GNAO1: variants seen among roughly 807,000 people sequenced by gnomAD.
The protein encoded by GNAO1 is G protein subunit alpha o1, also known as guanine nucleotide-binding protein G(o) subunit alpha.
For missense variants in GNAO1, 166 were observed against 478.7 expected (o/e 0.35, Z 6.10); for synonymous variants, 164 against 180.7 (o/e 0.91, Z 0.74).
intron 3 of GNAO1, among the ~76,000 whole-genome samples, chr16:56,314,336 A>G (rs1253480170): frequency 6.6e-6 from 1 of 152,204 alleles, no homozygotes; most frequent in African/African-American, 2.4e-5. Flanking sequence ...CAGAGACCCC[A>G]GTCTGAAATC....
intron 2 of GNAO1, among the ~76,000 whole-genome samples, chr16:56,248,384 C>T (rs2036769044): frequency 1.3e-5 from 2 of 152,126 alleles, no homozygotes; most frequent in Non-Finnish European, 2.9e-5. Flanking sequence ...CCTACTGTGT[C>T]CAAAGCCATG....
chr16:56,324,521 G>C (rs1281417723), intron 3 of GNAO1, among the ~76,000 whole-genome samples: 2 of 152,238 alleles, frequency 1.3e-5, no homozygotes, highest in Non-Finnish European at 2.9e-5. Flanking sequence ...TCAGCCAGGC[G>C]TGAGGAGCAG....
chr16:56,221,056 G>A (rs574794691), intron 2 of GNAO1, among the ~76,000 whole-genome samples: 1 of 152,082 alleles, frequency 6.6e-6, no homozygotes, highest in Admixed American at 6.5e-5. Flanking sequence ...TTGGATTAGC[G>A]TTTTAATAAA....
intron 3 of GNAO1, among the ~76,000 whole-genome samples, chr16:56,315,483 G>A (rs1836791186): frequency 6.6e-6 from 1 of 152,124 alleles, no homozygotes; most frequent in African/African-American, 2.4e-5. Flanking sequence ...AGCTTTTTTG[G>A]GACAGGATAG....
intron 2 of GNAO1, among the ~76,000 whole-genome samples, chr16:56,253,053 T>C (rs1182881739): frequency 6.6e-6 from 1 of 152,130 alleles, no homozygotes; most frequent in African/African-American, 2.4e-5. Context: ...AACCTCTGAG[T>C]GTCTGACTAG....
intron 2 of GNAO1, among the ~76,000 whole-genome samples, chr16:56,228,446 T>C (rs2036555550): frequency 6.6e-6 from 1 of 151,114 alleles, no homozygotes; most frequent in Non-Finnish European, 1.5e-5. Flanking sequence ...TGTATATATA[T>C]ATACATATAT....
chr16:56,299,130 C>G lies in GNAO1; in HGVS notation c.303+23058C>G, dbSNP rs542821379. 6.8e-4 allele frequency among the ~76,000 whole-genome samples: 103 copies of G among 152,308 alleles called. 1 individual carries two copies. The South Asian group carries it at 0.021, about 30-fold the overall frequency. On this transcript the variant is annotated intron_variant, in intron 3 of 8. Transcript: ENST00000262493. ...GAGTAACTTGCCTACAGTCACACAG[C>G]TGACAGATGGCAGAGCCAGCAACAA...
chr16:56,355,637 CG>C (rs1259034300), intron 8 of GNAO1: 9 of 152,376 alleles, frequency 5.9e-5, no homozygotes, highest in African/African-American at 1.9e-4. Context: ...GCTTCTCTTT[CG>C]GGTGGTGGTG....
At chr16:56,237,605 C>T (rs1352597126) in intron 2 of GNAO1, among the ~76,000 whole-genome samples, 2 of 152,206 alleles carry the variant, frequency 1.3e-5, no homozygotes, top group African/African-American at 4.8e-5. Context: ...AATTCTCCCC[C>T]CATGTGTTTT....
intron 6 of GNAO1, chr16:56,344,538 TCCTC>T: frequency 5.1e-6 from 5 of 987,470 alleles, no homozygotes; most frequent in Non-Finnish European, 6.0e-6. Flanking sequence ...CTCTGGGTCA[TCCTC>T]CCTTGCCTTT....
intron 4 of GNAO1, among the ~76,000 whole-genome samples, chr16:56,332,891 C>A (rs942762696): frequency 9.2e-5 from 14 of 152,376 alleles, no homozygotes; most frequent in Admixed American, 1.3e-4. Flanking sequence ...GTCATGGGCG[C>A]CAGGGCGGGG....
At chr16:56,272,382 G>A (rs1227470139) in intron 2 of GNAO1, among the ~76,000 whole-genome samples, 1 of 152,156 alleles carries the variant, frequency 6.6e-6, no homozygotes, top group African/African-American at 2.4e-5. Flanking sequence ...TTATTACATT[G>A]TAGTAGAAGG....
intron 3 of GNAO1, among the ~76,000 whole-genome samples, chr16:56,322,384 A>G (rs1166672879): frequency 6.6e-6 from 1 of 152,186 alleles, no homozygotes; most frequent in Non-Finnish European, 1.5e-5. Context: ...AATACCCACC[A>G]CACACAACCC....
rs138316928 is a variant in GNAO1 at position 56,314,560 on chromosome 16, C to T, written c.304-14071C>T. Among the ~76,000 whole-genome samples, 28 of 152,244 alleles carry T rather than the reference C, an allele frequency of 1.8e-4. No individual in the cohort carries two copies. The East Asian group carries it at 5.2e-3, about 28-fold the overall frequency. ...TAAGTCGTAATTTTTACTTCTTCAC[C>T]AACGACATTCTTCAGTCCAGCCAGC... On this transcript the variant is annotated intron_variant, in intron 3 of 8. Coordinates refer to ENST00000262493, the MANE Select transcript of GNAO1 (RefSeq NM_020988.3).
rs1367286736 is a variant in GNAO1, at chr16:56,297,569, GTGTA to G, written c.303+21500_303+21503del. ...TGTGTGTGTGTGTGTGTGTGTGTGTGTGTATGCATGTGTTTAAAAGGTGGGAATT... is the reference window on the plus strand; with the variant it reads ...TGTGTGTGTGTGTGTGTGTGTGTGTGTGCATGTGTTTAAAAGGTGGGAATT... On this transcript the variant is annotated intron_variant, in intron 3 of 8. Coordinates refer to ENST00000262493, the MANE Select transcript of GNAO1 (RefSeq NM_020988.3). Among the ~76,000 whole-genome samples the G allele has an allele frequency of 3.7e-5, 5 of 133,798 alleles. No individual in the cohort carries two copies. In the East Asian group the frequency reaches 6.6e-4, roughly 18 times the overall value. 87.8% of individuals were successfully genotyped at this position (133,798 alleles called of 152,430 possible). A position where few individuals can be genotyped will look rare whatever the true frequency, so the allele number is the denominator to read the frequency against.
At chr16:56,315,038 G>T (rs2037494581) in intron 3 of GNAO1, among the ~76,000 whole-genome samples, 1 of 152,198 alleles carries the variant, frequency 6.6e-6, no homozygotes, top group Non-Finnish European at 1.5e-5. Flanking sequence ...CTGATGAATG[G>T]CACAGGAGCC....
intron 2 of GNAO1, among the ~76,000 whole-genome samples, chr16:56,261,613 G>A (rs78456626): frequency 0.044 from 6,709 of 152,256 alleles, 338 homozygotes; most frequent in African/African-American, 0.11. Context: ...CTCATGTTTT[G>A]GGGTTAGGTG....
intron 2 of GNAO1, among the ~76,000 whole-genome samples, chr16:56,264,801 A>G (rs1273553861): frequency 6.7e-6 from 1 of 148,626 alleles, no homozygotes; most frequent in Non-Finnish European, 1.5e-5. Context: ...ATCGTATAGT[A>G]TATAGTATTA....
chr16:56,334,559 A>T (rs191401245), intron 4 of GNAO1, among the ~76,000 whole-genome samples, 170 bp from the exon 5 acceptor site: 42 of 152,254 alleles, frequency 2.8e-4, no homozygotes, highest in African/African-American at 1.0e-3. Flanking sequence ...CCTAAGACCC[A>T]CTTCCTCAGT....
Sources: gnomAD v4.1 joint callset for allele counts (sites outside exome capture counted in the v4.1 genomes callset) on GRCh38, gnomAD v4.1.1 for gene constraint, MANE v1.5 for transcripts, NCBI Gene and HGNC (gene_info 2026-07-23, HGNC 2026-07-21) for gene names.